PNLIPRP3: variants seen among roughly 807,000 people sequenced by gnomAD.
PNLIPRP3 encodes the protein pancreatic lipase-related protein 3.
PNLIPRP3 carries 58 observed loss-of-function variants against 52.8 expected under a neutral mutation model. The observed-to-expected ratio is 1.10, with a 90% CI of 0.89 to 1.37. The LOEUF (loss-of-function observed/expected upper bound fraction) is 1.37. Ranked by LOEUF, PNLIPRP3 falls within the 40% of genes most tolerant of loss-of-function variation. The probability of loss-of-function intolerance (pLI) is 0.00; values close to 1 mark genes in which losing one functional copy is unlikely to be tolerated. For missense variants in PNLIPRP3, 593 were observed against 561.6 expected (o/e 1.06, Z -0.57); for synonymous variants, 192 against 185.0 (o/e 1.04, Z -0.31).
chr10:116,468,126 CAAAAAAA>C, intron 8 of PNLIPRP3, among the ~76,000 whole-genome samples: 1 of 39,508 alleles, frequency 2.5e-5, no homozygotes, highest in African/African-American at 1.4e-4. Flanking sequence ...CTCTGTCTCG[CAAAAAAA>C]AAAAAAAAAA....
At chr10:116,454,275 C>T (rs888336297) in intron 4 of PNLIPRP3, among the ~76,000 whole-genome samples, 1 of 152,062 alleles carries the variant, frequency 6.6e-6, no homozygotes, top group Non-Finnish European at 1.5e-5. Context: ...CACACCACCA[C>T]GACTGGCTAA....
intron 2 of PNLIPRP3, among the ~76,000 whole-genome samples, chr10:116,439,190 T>C (rs1462932851): frequency 6.6e-6 from 1 of 152,232 alleles, no homozygotes; most frequent in Non-Finnish European, 1.5e-5. Flanking sequence ...ATGTTATGTA[T>C]ATTTTGACTT....
At chr10:116,434,664 A>G (rs1845751694) in intron 1 of PNLIPRP3, among the ~76,000 whole-genome samples, 1 of 152,208 alleles carries the variant, frequency 6.6e-6, no homozygotes, top group Non-Finnish European at 1.5e-5. Flanking sequence ...AAAAATCTTC[A>G]TTTTAAAATC....
chr10:116,439,565 C>T (rs549861475), intron 2 of PNLIPRP3: 2 of 847,732 alleles, frequency 2.4e-6, no homozygotes, highest in South Asian at 1.4e-5. Flanking sequence ...ACTTTACTTT[C>T]GACTTATAGT....
chr10:116,453,437 G>T (rs548668503), intron 4 of PNLIPRP3, among the ~76,000 whole-genome samples: 161 of 152,216 alleles, frequency 1.1e-3, no homozygotes, highest in Middle Eastern at 6.8e-3. Context: ...ATTGTATTTT[G>T]CAATGTGAAA....
chr10:116,466,770 C>G (rs1217682855), intron 8 of PNLIPRP3, among the ~76,000 whole-genome samples: 2 of 152,132 alleles, frequency 1.3e-5, no homozygotes, highest in East Asian at 1.9e-4. Context: ...GAGACCTAAT[C>G]CCCTGTTTTA....
chr10:116,433,718 C>T (rs1030507746), intron 1 of PNLIPRP3, among the ~76,000 whole-genome samples: 8 of 151,834 alleles, frequency 5.3e-5, no homozygotes, highest in African/African-American at 1.5e-4. Context: ...TCCACAGTTG[C>T]ATCATTTTCC....
intron 1 of PNLIPRP3, among the ~76,000 whole-genome samples, chr10:116,432,095 C>T (rs532525360): frequency 1.3e-3 from 197 of 150,592 alleles, no homozygotes; most frequent in African/African-American, 4.4e-3. Context: ...TCTGTCTCTA[C>T]ATCCCCTAAC....
intron 7 of PNLIPRP3, among the ~76,000 whole-genome samples, chr10:116,461,841 A>G (rs1376341851): frequency 6.6e-6 from 1 of 152,174 alleles, no homozygotes; most frequent in Non-Finnish European, 1.5e-5. Flanking sequence ...TATAGACACC[A>G]AGGGGAGAGG....
intron 4 of PNLIPRP3, among the ~76,000 whole-genome samples, chr10:116,452,914 C>G (rs1846059083): frequency 6.6e-6 from 1 of 152,228 alleles, no homozygotes; most frequent in Non-Finnish European, 1.5e-5. Flanking sequence ...AACCCCCACA[C>G]AGAGTCCCCA....
chr10:116,460,441 C>G (rs777392183), intron 5 of PNLIPRP3, among the ~76,000 whole-genome samples: 1 of 152,244 alleles, frequency 6.6e-6, no homozygotes, highest in Admixed American at 6.5e-5. Flanking sequence ...CAGTTTGCCT[C>G]TAACACATGA....
At chr10:116,444,618 C>G in intron 4 of PNLIPRP3, 105 bp downstream of exon 4, 1 of 1,134,546 alleles carries the variant, frequency 8.8e-7, no homozygotes, top group Non-Finnish European at 1.3e-6. Context: ...TAGACAGGTA[C>G]TGAACATGTG....
chr10:116,443,798 TGTGC>T (rs374493311), intron 3 of PNLIPRP3, among the ~76,000 whole-genome samples: 430 of 4,560 alleles, frequency 0.094, 16 homozygotes, highest in Non-Finnish European at 0.31. Flanking sequence ...TGTATGTGTG[TGTGC>T]ATATATATAT....
chr10:116,475,559 AAC>A (rs1846450267), intron 10 of PNLIPRP3, among the ~76,000 whole-genome samples: 1 of 152,248 alleles, frequency 6.6e-6, no homozygotes, highest in South Asian at 2.1e-4. Flanking sequence ...AACTTGGAAG[AAC>A]AGTTTCCTCT....
chr10:116,428,089 T>C (rs1256002399), intron 1 of PNLIPRP3, 28 bp downstream of exon 1: 1 of 1,512,596 alleles, frequency 6.6e-7, no homozygotes, highest in Non-Finnish European at 9.2e-7. Flanking sequence ...TAATAAGTTC[T>C]TTAAAAATAA....
chr10:116,473,948 C>CAAAAAAAAAAA (rs771490177), intron 10 of PNLIPRP3, among the ~76,000 whole-genome samples: 1 of 103,276 alleles, frequency 9.7e-6, no homozygotes, highest in African/African-American at 3.6e-5. Flanking sequence ...CATATGGAAC[C>CAAAAAAAAAAA]AAAAAAAAAA....
intron 1 of PNLIPRP3, among the ~76,000 whole-genome samples, chr10:116,434,633 T>C (rs1204380562): frequency 6.6e-6 from 1 of 152,068 alleles, no homozygotes; most frequent in East Asian, 1.9e-4. Context: ...GCGATAAACA[T>C]AGAAAATAAG....
At chr10:116,442,417 CTCATGA>C (rs1460431384) in intron 2 of PNLIPRP3, among the ~76,000 whole-genome samples, 1 of 152,108 alleles carries the variant, frequency 6.6e-6, no homozygotes, top group Non-Finnish European at 1.5e-5. Flanking sequence ...TGTTTTAATT[CTCATGA>C]ATTACACTGA....
At chr10:116,437,330 T>C (rs749499079) in intron 2 of PNLIPRP3, among the ~76,000 whole-genome samples, 3 of 152,154 alleles carry the variant, frequency 2.0e-5, no homozygotes, top group Non-Finnish European at 2.9e-5. Flanking sequence ...AGAGCTCACC[T>C]TGAGGTCAGG....
Sources: allele counts gnomAD v4.1 joint callset (sites outside exome capture counted in the v4.1 genomes callset), GRCh38; gene constraint gnomAD v4.1.1; transcripts MANE v1.5; gene names NCBI Gene and HGNC (gene_info 2026-07-23, HGNC 2026-07-21).